Variants in CCSER1 observed in about 807,000 individuals in gnomAD.
CCSER1 encodes the protein serine-rich coiled-coil domain-containing protein 1.
In CCSER1, 41 loss-of-function variants were observed where a neutral mutation model predicts 82.0. The observed-to-expected ratio is 0.50, with a 90% CI of 0.39 to 0.65. CCSER1 has a LOEUF of 0.65. Ranked by LOEUF, CCSER1 falls within the 30% of genes least tolerant of loss-of-function variation. The pLI, the probability that CCSER1 is intolerant of heterozygous loss-of-function variation, is 0.00. For synonymous variants in CCSER1, 414 were observed against 383.9 expected, an observed-to-expected ratio of 1.08 and a Z score of -0.92; for missense variants, 1,119 against 1,064.2, an observed-to-expected ratio of 1.05 and a Z score of -0.72.
intron 10 of CCSER1, among the ~76,000 whole-genome samples, chr4:91,441,363 C>G (rs1224381385): frequency 6.6e-6 from 1 of 152,132 alleles, no homozygotes; most frequent in Non-Finnish European, 1.5e-5. Context: ...GAACCAAAGA[C>G]AAAAACCACA....
At chr4:90,957,229 C>G (rs941467418) in intron 9 of CCSER1, among the ~76,000 whole-genome samples, 2 of 120,550 alleles carry the variant, frequency 1.7e-5, no homozygotes, top group African/African-American at 5.9e-5. Flanking sequence ...AGCCTCCCGA[C>G]TACCTGGGAT....
intron 6 of CCSER1, among the ~76,000 whole-genome samples, chr4:90,674,575 A>G (rs1400994124): frequency 1.3e-5 from 2 of 151,998 alleles, no homozygotes; most frequent in African/African-American, 4.8e-5. Context: ...TTTTATTACC[A>G]AACAAAAATT....
intron 5 of CCSER1, among the ~76,000 whole-genome samples, chr4:90,579,139 CA>C (rs1781125803): frequency 6.6e-6 from 1 of 151,894 alleles, no homozygotes; most frequent in African/African-American, 2.4e-5. Flanking sequence ...TATCAGGTCA[CA>C]CAGAAGAATA....
chr4:90,307,315 G>A (rs911762320), intron 1 of CCSER1, among the ~76,000 whole-genome samples: 1 of 151,894 alleles, frequency 6.6e-6, no homozygotes, highest in African/African-American at 2.4e-5. Context: ...GATTCTCTCA[G>A]TATGTATTGT....
At chr4:91,199,717 AAAAT>A (rs1390660354) in intron 10 of CCSER1, among the ~76,000 whole-genome samples, 1 of 152,066 alleles carries the variant, frequency 6.6e-6, no homozygotes, top group Non-Finnish European at 1.5e-5. Flanking sequence ...GCTTCATTTA[AAAAT>A]AAATGTATTT....
chr4:90,482,308 T>C (rs533113040), intron 5 of CCSER1, among the ~76,000 whole-genome samples: 11 of 152,286 alleles, frequency 7.2e-5, no homozygotes, highest in African/African-American at 2.4e-4. Context: ...TTTGTTGATC[T>C]TTTCAAAAAA....
intron 7 of CCSER1, among the ~76,000 whole-genome samples, chr4:90,731,092 G>A (rs761657291): frequency 3.3e-5 from 5 of 152,052 alleles, no homozygotes; most frequent in Admixed American, 2.0e-4. Flanking sequence ...AAACTGGAGT[G>A]GTAAAAGTTG....
intron 10 of CCSER1, among the ~76,000 whole-genome samples, chr4:91,203,636 A>G (rs902092201): frequency 7.7e-6 from 1 of 129,486 alleles, no homozygotes; most frequent in Non-Finnish European, 1.6e-5. Flanking sequence ...GCATGAATGC[A>G]TATATACTAT....
At chr4:91,053,959 G>C (rs1289357826) in intron 9 of CCSER1, among the ~76,000 whole-genome samples, 1 of 152,182 alleles carries the variant, frequency 6.6e-6, no homozygotes, top group African/African-American at 2.4e-5. Flanking sequence ...ATGTGGATCA[G>C]TCCTTTGCCA....
intron 3 of CCSER1, among the ~76,000 whole-genome samples, chr4:90,364,703 A>T (rs908525759): frequency 6.6e-6 from 1 of 151,968 alleles, no homozygotes; most frequent in Non-Finnish European, 1.5e-5. Flanking sequence ...TGCCTACCAG[A>T]TTGATTGCTG....
In CCSER1 at chr4:91,501,547, T is replaced by C. The variant is rs767635226; in HGVS notation, c.2218-97025T>C. ...ACCCCTAATATAATAGGACAGGTAT[T>C]TATTTGTATCTTTTCACTTATTCCT... On this transcript the variant is annotated intron_variant, in intron 10 of 10. Transcript: ENST00000509176. 1.8e-4 allele frequency among the ~76,000 whole-genome samples: 27 copies of C among 152,044 alleles called. 1 individual carries two copies. Among genetic ancestry groups the C allele is most frequent in the Non-Finnish European group, 2.9e-5 (2 of 67,944 alleles).
chr4:91,515,653 G>T (rs1248843473), intron 10 of CCSER1, among the ~76,000 whole-genome samples: 1 of 152,008 alleles, frequency 6.6e-6, no homozygotes, highest in Non-Finnish European at 1.5e-5. Context: ...TGAACATGCT[G>T]CAGTAAATAT....
At chr4:90,904,362 C>T (rs1725129387) in intron 8 of CCSER1, among the ~76,000 whole-genome samples, 2 of 152,128 alleles carry the variant, frequency 1.3e-5, no homozygotes, top group Admixed American at 6.6e-5. Context: ...TTTGTAGAAG[C>T]AAACCTCTGC....
chr4:91,056,209 T>C (rs1211662589), intron 9 of CCSER1, among the ~76,000 whole-genome samples: 2 of 152,114 alleles, frequency 1.3e-5, no homozygotes, highest in Non-Finnish European at 2.9e-5. Context: ...TGTTGGTTTG[T>C]TTTTTCCTTT....
chr4:91,200,199 CT>C, intron 10 of CCSER1, among the ~76,000 whole-genome samples: 1 of 151,824 alleles, frequency 6.6e-6, no homozygotes, highest in Admixed American at 6.6e-5. Flanking sequence ...TTTTGTCAAT[CT>C]TAAATTTTCA....
intron 10 of CCSER1, among the ~76,000 whole-genome samples, chr4:91,169,464 T>C (rs1732527510): frequency 6.6e-6 from 1 of 151,876 alleles, no homozygotes; most frequent in Admixed American, 6.6e-5. Flanking sequence ...GTACTAAAAA[T>C]ACAAAAATTA....
At chr4:91,360,975 G>A (rs569839793) in intron 10 of CCSER1, among the ~76,000 whole-genome samples, 34 of 151,926 alleles carry the variant, frequency 2.2e-4, no homozygotes, top group African/African-American at 7.7e-4. Flanking sequence ...GAGATAAAAA[G>A]CTGAGCTTGG....
chr4:91,125,820 A>G (rs1318585844), intron 10 of CCSER1, among the ~76,000 whole-genome samples: 1 of 151,788 alleles, frequency 6.6e-6, no homozygotes, highest in African/African-American at 2.4e-5. Context: ...AAAAAAGTGT[A>G]TTTAACACAG....
chr4:90,198,037 C>T (rs1360396181), intron 1 of CCSER1, among the ~76,000 whole-genome samples: 1 of 151,960 alleles, frequency 6.6e-6, no homozygotes, highest in African/African-American at 2.4e-5. Context: ...ATCTCATGTA[C>T]CCCATAAACA....
Sources: allele counts gnomAD v4.1 joint callset (sites outside exome capture counted in the v4.1 genomes callset), GRCh38; gene constraint gnomAD v4.1.1; transcripts MANE v1.5; gene names NCBI Gene and HGNC (gene_info 2026-07-23, HGNC 2026-07-21).